Variants in DDHD2 observed in about 807,000 individuals in gnomAD.
DDHD2 encodes the protein triacylglycerol hydrolase DDHD2.
Under a neutral mutation model 91.2 loss-of-function variants are expected in DDHD2, and 62 were observed. The ratio of observed to expected loss-of-function variants is 0.68; its 90% CI spans 0.55 to 0.84. The LOEUF (loss-of-function observed/expected upper bound fraction) is 0.84, where lower values mean the gene tolerates loss of function less well. DDHD2 is among the 40% of genes least tolerant of loss of function. The pLI is 0.00. For missense variants in DDHD2, 740 were observed against 846.9 expected, an observed-to-expected ratio of 0.87 and a Z score of 1.57; for synonymous variants, 271 against 293.9, an observed-to-expected ratio of 0.92 and a Z score of 0.80.
Position 38,262,545 on chromosome 8 carries a change from T to C in DDHD2, c.*1972T>C, listed in dbSNP as rs1807113602. The C allele has an allele frequency of 6.6e-6, 1 of 152,216 alleles. No individual in the cohort carries two copies. The highest frequency in any genetic ancestry group is 6.5e-5 in the Admixed American group (1 of 15,280). The allele number at this position is 152,216 out of a possible 1,614,324, so 9.4% of individuals were successfully genotyped here. Reference sequence around the variant, plus strand: ...TATATTATTTGCGCTGCTTCATTTGTATCATGTGCAATCTCTAGACCAACC... The same window carrying C: ...TATATTATTTGCGCTGCTTCATTTGCATCATGTGCAATCTCTAGACCAACC... On this transcript the variant is annotated 3_prime_UTR_variant, in exon 18 of 18. Transcript: ENST00000397166.
At chr8:38,271,122 G>T (rs1417828240) in exon 2 of DDHD2, 2 of 152,146 alleles carry the variant, frequency 1.3e-5, no homozygotes, top group Non-Finnish European at 2.9e-5. Context: ...TCTCATGCAG[G>T]AGTCTCTTCC....
At chr8:38,232,299 A>C (rs957490679) in intron 1 of DDHD2, among the ~76,000 whole-genome samples, 1 of 152,194 alleles carries the variant, frequency 6.6e-6, no homozygotes, top group African/African-American at 2.4e-5. Context: ...GAGTGGAAGG[A>C]GTGTTGGAGA....
intron 5 of DDHD2, among the ~76,000 whole-genome samples, chr8:38,239,600 T>C (rs1231056269): frequency 1.4e-5 from 2 of 139,300 alleles, no homozygotes; most frequent in African/African-American, 5.5e-5. Flanking sequence ...GGCAGGAGAA[T>C]CGCTTAAACC....
At chr8:38,260,416 T>G (rs1216320874) in intron 17 of DDHD2, 184 bp from the exon 18 acceptor site, 1 of 257,524 alleles carries the variant, frequency 3.9e-6, no homozygotes, top group African/African-American at 2.2e-5. Context: ...AGAGTTTTAA[T>G]GGTTCTGTTA....
intron 3 of DDHD2, among the ~76,000 whole-genome samples, chr8:38,235,663 G>A (rs1018519512): frequency 1.2e-4 from 18 of 151,022 alleles, no homozygotes; most frequent in Non-Finnish European, 1.3e-4. Flanking sequence ...GGAGGTTGTG[G>A]TGAGTGGAGA....
At chr8:38,252,379 C>A in intron 13 of DDHD2, 92 bp downstream of exon 13, 1 of 1,414,678 alleles carries the variant, frequency 7.1e-7, no homozygotes, top group Non-Finnish European at 9.6e-7. Flanking sequence ...TTTTTTTTTC[C>A]TATTCCATTG....
At position 38,231,733 on chromosome 8, in the gene DDHD2, C is replaced by T. The variant is rs574134038; in HGVS notation, c.-135C>T. 64 of 152,228 alleles carry T rather than the reference C, an allele frequency of 4.2e-4. No individual in the cohort carries two copies. Among genetic ancestry groups the T allele is most frequent in the African/African-American group, 1.5e-3 (61 of 41,548 alleles). 9.4% of individuals were successfully genotyped at this position (152,228 alleles called of 1,614,324 possible). ...TGGCGCCTGGTGTTCGGCGCGAGCCCGGCGGGGCTGCAGGTTCCGCCCTGC... is the reference window on the plus strand; with the variant it reads ...TGGCGCCTGGTGTTCGGCGCGAGCCTGGCGGGGCTGCAGGTTCCGCCCTGC... On this transcript the variant is annotated 5_prime_UTR_variant, in exon 1 of 18. Transcript: ENST00000397166.
chr8:38,249,437 T>TA (rs1805928184), intron 10 of DDHD2, among the ~76,000 whole-genome samples: 1 of 150,936 alleles, frequency 6.6e-6, no homozygotes, highest in Admixed American at 6.6e-5. Context: ...CTGAAGTCCT[T>TA]AGATACCCAA....
At position 38,233,055 on chromosome 8, in the gene DDHD2, A is replaced by G; in HGVS notation, c.61A>G (p.Asn21Asp). 6.2e-7 allele frequency: 1 copy of G among 1,614,226 alleles called. No homozygotes were observed. Among genetic ancestry groups the G allele is most frequent in the Non-Finnish European group, 8.5e-7 (1 of 1,180,046 alleles). The stretch of plus-strand genomic sequence containing the variant: ...CCAGTCAGATCCATCTCCGTCACCA[A>G]ACTCATGTAGTTCCTTTGAGCTAAT... ...LSQSDPSPSP[N>D]SCSSFELIDM... Residue 21 changes from asparagine to aspartate, a missense_variant, in exon 2 of 18, where the codon AAC (asparagine) becomes GAC (aspartate). Asn to Asp is a conservative substitution (Grantham distance 23). Around this residue, in one of 2 missense-constraint regions of DDHD2, gnomAD observed 693 missense variants for 764.2 expected, o/e 0.91. Coordinates refer to ENST00000397166, the MANE Select transcript of DDHD2 (RefSeq NM_015214.3).
rs1804546991 is a variant in DDHD2 at position 38,234,505 on chromosome 8, G to C, written c.332G>C (p.Arg111Thr). The change falls in exon 3 of 18, where the codon AGA (arginine) becomes ACA (threonine). Residue 111 changes from arginine to threonine, a missense_variant. Transcript: ENST00000397166. ...TGGGATGAACTGGCATCGGAAGTGA[G>C]ACGATGTACGTGGTTTTACAAGGGG... The part of the protein sequence containing the change: ...VYWDELASEV[R>T]RCTWFYKGDK... 3.7e-6 allele frequency: 6 copies of C among 1,613,542 alleles called. No homozygotes were observed. Among genetic ancestry groups the C allele is most frequent in the Non-Finnish European group, 3.4e-6 (4 of 1,179,940 alleles).
intron 5 of DDHD2, among the ~76,000 whole-genome samples, chr8:38,239,911 G>C (rs932281464): frequency 2.0e-5 from 3 of 151,286 alleles, no homozygotes; most frequent in Non-Finnish European, 1.5e-5. Flanking sequence ...TTTTAGTAGA[G>C]ATGAAGTTTC....
chr8:38,269,429 T>C (rs1808345871), intron 1 of DDHD2, among the ~76,000 whole-genome samples: 2 of 152,140 alleles, frequency 1.3e-5, no homozygotes, highest in Non-Finnish European at 2.9e-5. Context: ...TCCAGCCGAG[T>C]AGGTCGGCGT....
intron 1 of DDHD2, chr8:38,268,985 G>A (rs764450660): frequency 4.0e-5 from 63 of 1,572,284 alleles, no homozygotes; most frequent in Middle Eastern, 3.4e-4. Context: ...GAGCAGCTCC[G>A]TCACCCTAGA....
At chr8:38,240,625 C>T (rs531437108) in intron 6 of DDHD2, among the ~76,000 whole-genome samples, 3 of 152,152 alleles carry the variant, frequency 2.0e-5, no homozygotes, top group African/African-American at 7.2e-5. Context: ...ATGTGGTGGT[C>T]CTATTTCTAA....
intron 3 of DDHD2, among the ~76,000 whole-genome samples, chr8:38,236,268 T>A (rs1328881902): frequency 6.6e-6 from 1 of 151,996 alleles, no homozygotes; most frequent in Non-Finnish European, 1.5e-5. Context: ...CGCCTCGGCC[T>A]CCCAAAGTGC....
intron 10 of DDHD2, among the ~76,000 whole-genome samples, chr8:38,248,963 CGAT>C (rs1466438326): frequency 7.2e-6 from 1 of 138,362 alleles, no homozygotes; most frequent in Non-Finnish European, 1.6e-5. Flanking sequence ...AAAAAAAAAA[CGAT>C]GAGTGACACT....
downstream of DDHD2, chr8:38,263,486 T>C: frequency 1.0e-6 from 1 of 985,410 alleles, no homozygotes; most frequent in Non-Finnish European, 1.2e-6. Flanking sequence ...CTGTTAGTAG[T>C]GCTGAAACCA....
At chr8:38,267,004 C>T (rs752014907), downstream of DDHD2, 204 of 1,345,858 alleles carry the variant, frequency 1.5e-4, no homozygotes, top group Non-Finnish European at 1.9e-4. Context: ...ATTTTTATTG[C>T]TAGTACAAGA....
At chr8:38,238,501 A>G in intron 5 of DDHD2, 1 of 1,113,720 alleles carries the variant, frequency 9.0e-7, no homozygotes, top group Non-Finnish European at 1.1e-6. Context: ...GATTCCACCT[A>G]CTTGACTAGA....
Sources: allele counts gnomAD v4.1 joint callset (sites outside exome capture counted in the v4.1 genomes callset), GRCh38; gene constraint gnomAD v4.1.1; regional missense constraint gnomAD v4.1.1; transcripts MANE v1.5; gene names NCBI Gene and HGNC (gene_info 2026-07-23, HGNC 2026-07-21).